LEF1: variants seen among roughly 807,000 people sequenced by gnomAD.
LEF1 encodes the protein lymphoid enhancer binding factor 1.
In LEF1, 14 loss-of-function variants were observed where a neutral mutation model predicts 51.2. The observed-to-expected ratio is 0.27, with a 90% confidence interval of 0.18 to 0.43. LEF1 has a LOEUF of 0.43. LEF1 is among the 20% of genes least tolerant of loss of function. LEF1 has a pLI of 1.00. For missense variants in LEF1, 386 were observed against 512.0 expected, an observed-to-expected ratio of 0.75 and a Z score of 2.37; for synonymous variants, 185 against 183.2, an observed-to-expected ratio of 1.01 and a Z score of -0.08.
At chr4:108,140,608 A>G (rs1402878394) in intron 3 of LEF1, among the ~76,000 whole-genome samples, 2 of 152,170 alleles carry the variant, frequency 1.3e-5, no homozygotes, top group African/African-American at 4.8e-5. Flanking sequence ...CCATTTTATA[A>G]TCAGCCATCT....
intron 3 of LEF1, among the ~76,000 whole-genome samples, chr4:108,151,392 A>G (rs1361137745): frequency 6.6e-6 from 1 of 152,200 alleles, no homozygotes; most frequent in Non-Finnish European, 1.5e-5. Context: ...TCACTGATTC[A>G]ATAATCATCT....
At chr4:108,075,025 G>A (rs1738751994) in intron 8 of LEF1, among the ~76,000 whole-genome samples, 1 of 152,206 alleles carries the variant, frequency 6.6e-6, no homozygotes, top group African/African-American at 2.4e-5. Context: ...CTTTTAAAGA[G>A]TCAGGGAAAA....
chr4:108,114,089 C>A (rs1276886108), intron 3 of LEF1, among the ~76,000 whole-genome samples: 14 of 152,044 alleles, frequency 9.2e-5, no homozygotes. Context: ...AAAAGCTATT[C>A]TTTTCATTGC....
chr4:108,135,171 T>A (rs1179910377), intron 3 of LEF1, among the ~76,000 whole-genome samples: 1 of 152,184 alleles, frequency 6.6e-6, no homozygotes, highest in Non-Finnish European at 1.5e-5. Flanking sequence ...GTCAAGACGC[T>A]ATTAAGACTC....
intron 9 of LEF1, among the ~76,000 whole-genome samples, chr4:108,066,432 C>A (rs191957832): frequency 6.6e-6 from 1 of 152,180 alleles, no homozygotes; most frequent in Non-Finnish European, 1.5e-5. Context: ...TCTTCTTCCT[C>A]GCTCCCTATG....
chr4:108,102,076 A>G (rs1357274851), intron 3 of LEF1, among the ~76,000 whole-genome samples: 2 of 152,050 alleles, frequency 1.3e-5, no homozygotes, highest in Non-Finnish European at 2.9e-5. Flanking sequence ...AAAAAAAAAA[A>G]AAAGAAAGGA....
chr4:108,130,599 G>A (rs908713597), intron 3 of LEF1, among the ~76,000 whole-genome samples: 2 of 151,162 alleles, frequency 1.3e-5, no homozygotes, highest in Non-Finnish European at 2.9e-5. Flanking sequence ...GTGTGGTGGT[G>A]TGCACCTGTA....
intron 4 of LEF1, 23 bp from the exon 5 acceptor site, chr4:108,083,469 A>G (rs764410832): frequency 1.4e-6 from 2 of 1,464,994 alleles, no homozygotes; most frequent in East Asian, 4.6e-5. Context: ...ACAGAGAGGT[A>G]TCATTTACAG....
At chr4:108,156,309 ACT>A (rs1378952037) in intron 3 of LEF1, among the ~76,000 whole-genome samples, 1 of 152,166 alleles carries the variant, frequency 6.6e-6, no homozygotes, top group Non-Finnish European at 1.5e-5. Context: ...TTATCTGGAA[ACT>A]CTATATTCTA....
At chr4:108,054,806 A>G (rs1737216567) in intron 11 of LEF1, among the ~76,000 whole-genome samples, 1 of 152,262 alleles carries the variant, frequency 6.6e-6, no homozygotes, top group African/African-American at 2.4e-5. Flanking sequence ...ATATATAGGC[A>G]GTTAGAAAAA....
At chr4:108,118,839 C>T (rs923450449) in intron 3 of LEF1, among the ~76,000 whole-genome samples, 1 of 152,064 alleles carries the variant, frequency 6.6e-6, no homozygotes, top group African/African-American at 2.4e-5. Flanking sequence ...CAACGTCCAC[C>T]AGACCTGTTT....
At chr4:108,158,251 A>G (rs940748845) in intron 3 of LEF1, among the ~76,000 whole-genome samples, 4 of 152,234 alleles carry the variant, frequency 2.6e-5, no homozygotes, top group African/African-American at 9.7e-5. Flanking sequence ...ATAAAATCCA[A>G]TGGCTGCCTT....
intron 3 of LEF1, among the ~76,000 whole-genome samples, chr4:108,158,418 A>G (rs968985389): frequency 2.7e-5 from 4 of 150,224 alleles, no homozygotes; most frequent in Admixed American, 6.7e-5. Context: ...CCCTTAAAAA[A>G]AGAGAGAGAG....
chr4:108,075,476 T>G (rs1738796200), intron 8 of LEF1: 1 of 152,224 alleles, frequency 6.6e-6, no homozygotes, highest in African/African-American at 2.4e-5. Context: ...AATCATGAAT[T>G]TCTTGAGAGG....
chr4:108,047,601 C>G lies in LEF1; in HGVS notation c.*1157G>C, dbSNP rs2126247326. 1 of 152,606 alleles carries G rather than the reference C, an allele frequency of 6.6e-6. No individual in the cohort carries two copies. 9.5% of individuals were successfully genotyped at this position (152,606 alleles called of 1,614,324 possible). A position where few individuals can be genotyped will look rare whatever the true frequency, so the allele number is the denominator to read the frequency against. On this transcript the variant is annotated 3_prime_UTR_variant, in exon 12 of 12. Coordinates refer to ENST00000265165, the MANE Select transcript of LEF1 (RefSeq NM_016269.5). ...AAGCTTCTTTTAAAAAAATGCTCAG[C>G]ACATTAACTCAAACTGGAATGACAA...
At chr4:108,081,902 C>T (rs1305938579) in intron 5 of LEF1, among the ~76,000 whole-genome samples, 2 of 152,120 alleles carry the variant, frequency 1.3e-5, no homozygotes, top group African/African-American at 4.8e-5. Context: ...ACAAACCATC[C>T]ATGAATTACA....
intron 3 of LEF1, among the ~76,000 whole-genome samples, chr4:108,144,900 C>T (rs1420106614): frequency 6.8e-6 from 1 of 147,932 alleles, no homozygotes; most frequent in African/African-American, 2.5e-5. Context: ...GAAGAGTATC[C>T]TCATGAATAC....
intron 1 of LEF1, chr4:108,166,653 G>A (rs1745414336): frequency 9.8e-7 from 1 of 1,015,398 alleles, no homozygotes; most frequent in Non-Finnish European, 1.2e-6. Flanking sequence ...CTCTACTCAG[G>A]TTACCAGCTC....
chr4:108,135,636 C>T (rs780974982), intron 3 of LEF1, among the ~76,000 whole-genome samples: 4 of 152,142 alleles, frequency 2.6e-5, no homozygotes, highest in Admixed American at 6.6e-5. Context: ...GGCAACAACG[C>T]CCTGCTTTGT....
Sources: allele counts gnomAD v4.1 joint callset (sites outside exome capture counted in the v4.1 genomes callset), GRCh38; gene constraint gnomAD v4.1.1; transcripts MANE v1.5; gene names NCBI Gene and HGNC (gene_info 2026-07-23, HGNC 2026-07-21).